Variants in MYBPC1 observed in about 807,000 individuals in gnomAD.
The protein encoded by MYBPC1 is myosin-binding protein C, slow-type.
In MYBPC1, 52 loss-of-function variants were observed where a neutral mutation model predicts 147.1. That is an observed-to-expected ratio of 0.35 (90% confidence interval 0.28 to 0.45). The LOEUF is 0.45. MYBPC1 is among the 20% of genes least tolerant of loss of function. MYBPC1 has a pLI of 1.00. For synonymous variants in MYBPC1, 477 were observed against 475.9 expected (o/e 1.00, Z -0.03); for missense variants, 1,228 against 1,440.3 (o/e 0.85, Z 2.39).
intron 16 of MYBPC1, 140 bp from the exon 17 acceptor site, chr12:101,652,538 C>CTT: frequency 1.5e-6 from 1 of 667,872 alleles, no homozygotes; most frequent in Non-Finnish European, 2.7e-6. Context: ...CTCTCTCTCT[C>CTT]TCTCTCTTTC....
chr12:101,667,594 C>T (rs890510030), intron 22 of MYBPC1, 138 bp from the exon 23 acceptor site: 7 of 1,014,548 alleles, frequency 6.9e-6, no homozygotes, highest in Non-Finnish European at 1.1e-5. Flanking sequence ...AGTCGGAGTC[C>T]AGACCAAAGT....
intron 15 of MYBPC1, 135 bp from the exon 16 acceptor site, chr12:101,651,091 ATATAT>A (rs1356322973): frequency 1.0e-5 from 9 of 903,660 alleles, no homozygotes; most frequent in Non-Finnish European, 1.6e-5. Flanking sequence ...TTATCCTCTA[ATATAT>A]TAATTGCATT....
intron 1 of MYBPC1, among the ~76,000 whole-genome samples, chr12:101,610,855 G>C (rs1884027367): frequency 6.6e-6 from 1 of 152,184 alleles, no homozygotes; most frequent in East Asian, 1.9e-4. Context: ...GCAGGCCCGG[G>C]CTGCAGAGCC....
intron 24 of MYBPC1, 69 bp downstream of exon 24, chr12:101,670,478 C>A: frequency 7.7e-7 from 1 of 1,290,372 alleles, no homozygotes; most frequent in Non-Finnish European, 1.1e-6. Flanking sequence ...GGAAGAGGTA[C>A]TCTAGCATTT....
chr12:101,688,869 C>A (rs906071142), downstream of MYBPC1, among the ~76,000 whole-genome samples: 1 of 149,310 alleles, frequency 6.7e-6, no homozygotes, highest in Non-Finnish European at 1.5e-5. Context: ...ATGAGAATAG[C>A]TTAAACCCAG....
chr12:101,695,103 A>C, the MYBPC1 span, among the ~76,000 whole-genome samples: 1 of 152,216 alleles, frequency 6.6e-6, no homozygotes, highest in African/African-American at 2.4e-5. Context: ...GGTTGTAACC[A>C]TCTACTCTTC....
chr12:101,681,015 A>AT (rs1950902113), intron 29 of MYBPC1, among the ~76,000 whole-genome samples: 1 of 152,114 alleles, frequency 6.6e-6, no homozygotes. Context: ...TAAGTGTTTG[A>AT]TATTACACAT....
intron 24 of MYBPC1, among the ~76,000 whole-genome samples, chr12:101,670,936 C>CA (rs535199248): frequency 2.8e-3 from 423 of 152,248 alleles, no homozygotes; most frequent in Non-Finnish European, 4.7e-3. Flanking sequence ...CTGTTCTTCA[C>CA]AAAATTCACT....
At chr12:101,659,511 C>T (rs149686875) in intron 18 of MYBPC1, among the ~76,000 whole-genome samples, 161 bp from the exon 19 acceptor site, 15 of 152,130 alleles carry the variant, frequency 9.9e-5, no homozygotes, top group Non-Finnish European at 2.1e-4. Context: ...ATATAATAGG[C>T]ATGAACACTA....
intron 13 of MYBPC1, 75 bp from the exon 14 acceptor site, chr12:101,647,970 T>C: frequency 8.3e-7 from 1 of 1,211,884 alleles, no homozygotes; most frequent in Admixed American, 1.7e-5. Flanking sequence ...TGGTTTTTCA[T>C]CTGTGAAGAA....
intron 22 of MYBPC1, chr12:101,664,725 C>T (rs1467783308): frequency 1.3e-5 from 2 of 152,190 alleles, no homozygotes; most frequent in African/African-American, 2.4e-5. Context: ...CCCTCTTGCA[C>T]CTACTCCACA....
intron 15 of MYBPC1, among the ~76,000 whole-genome samples, chr12:101,650,173 C>A (rs549592352): frequency 6.6e-6 from 1 of 152,242 alleles, no homozygotes; most frequent in African/African-American, 2.4e-5. Flanking sequence ...CCATTTAAAG[C>A]AATTATAATC....
At chr12:101,631,752 G>A in intron 7 of MYBPC1, 33 bp downstream of exon 7, 1 of 1,613,494 alleles carries the variant, frequency 6.2e-7, no homozygotes, top group East Asian at 2.2e-5. Flanking sequence ...CAGGCGCTCA[G>A]CTAGCGCATT....
chr12:101,664,105 T>A (rs994400640), intron 22 of MYBPC1, among the ~76,000 whole-genome samples: 1 of 152,190 alleles, frequency 6.6e-6, no homozygotes, highest in African/African-American at 2.4e-5. Flanking sequence ...AAGTTCAATA[T>A]GTAGCAGTAA....
chr12:101,694,434 G>A, the MYBPC1 span, among the ~76,000 whole-genome samples: 11 of 152,292 alleles, frequency 7.2e-5, no homozygotes, highest in East Asian at 1.9e-4. Flanking sequence ...TGTTGAAGCC[G>A]TAATCCTCCA....
intron 14 of MYBPC1, 73 bp downstream of exon 14, chr12:101,648,223 G>A: frequency 9.4e-7 from 1 of 1,065,120 alleles, no homozygotes; most frequent in Non-Finnish European, 1.4e-6. Context: ...GATAGAACAG[G>A]AAGTACAAAT....
At chr12:101,691,037 A>G in the MYBPC1 span, among the ~76,000 whole-genome samples, 1 of 152,156 alleles carries the variant, frequency 6.6e-6, no homozygotes, top group Non-Finnish European at 1.5e-5. Context: ...ATAAAACTCT[A>G]CTGCAATGCA....
At chr12:101,658,927 T>C (rs1896056564) in intron 18 of MYBPC1, among the ~76,000 whole-genome samples, 1 of 152,152 alleles carries the variant, frequency 6.6e-6, no homozygotes, top group East Asian at 1.9e-4. Context: ...ACCTTCTCTG[T>C]TTTTCCTCTT....
chr12:101,691,717 G>A, the MYBPC1 span, among the ~76,000 whole-genome samples: 1 of 152,200 alleles, frequency 6.6e-6, no homozygotes, highest in Non-Finnish European at 1.5e-5. Flanking sequence ...GCTGTGTGAA[G>A]GGCATACAAG....
Sources: allele counts gnomAD v4.1 joint callset (sites outside exome capture counted in the v4.1 genomes callset), GRCh38; gene constraint gnomAD v4.1.1; transcripts MANE v1.5; gene names NCBI Gene and HGNC (gene_info 2026-07-23, HGNC 2026-07-21).